The following ARHGAP18 variants were observed in gnomAD, a reference collection of about 807,000 sequenced individuals.
The protein encoded by ARHGAP18 is Rho GTPase activating protein 18, also known as rho GTPase-activating protein 18.
Under a neutral mutation model 86.2 loss-of-function variants are expected in ARHGAP18, and 67 were observed. The ratio of observed to expected loss-of-function variants is 0.78; its 90% CI spans 0.64 to 0.95. ARHGAP18 has a LOEUF of 0.95. ARHGAP18 is among the 40% of genes least tolerant of loss of function. The pLI is 0.00. For missense variants in ARHGAP18, 691 were observed against 780.4 expected, an observed-to-expected ratio of 0.89 and a Z score of 1.37; for synonymous variants, 283 against 280.4, an observed-to-expected ratio of 1.01 and a Z score of -0.09.
At chr6:129,641,136 G>A (rs570547478) in intron 2 of ARHGAP18, among the ~76,000 whole-genome samples, 25 of 152,264 alleles carry the variant, frequency 1.6e-4, no homozygotes, top group Middle Eastern at 3.4e-3. Flanking sequence ...AACATGAGCC[G>A]TTGCATCCAA....
At chr6:129,578,654 G>T in intron 14 of ARHGAP18, 50 bp from the exon 15 acceptor site, 3 of 1,446,376 alleles carry the variant, frequency 2.1e-6, no homozygotes, top group Non-Finnish European at 2.9e-6. Flanking sequence ...AGATTGGTAT[G>T]CAATTTTAAA....
chr6:129,680,917 G>C (rs530083065), intron 1 of ARHGAP18, among the ~76,000 whole-genome samples: 1 of 152,220 alleles, frequency 6.6e-6, no homozygotes, highest in Non-Finnish European at 1.5e-5. Flanking sequence ...CAGCAGTGGA[G>C]GATGGGCCAA....
intron 13 of ARHGAP18, among the ~76,000 whole-genome samples, chr6:129,582,685 C>T (rs1293906735): frequency 6.6e-6 from 1 of 152,174 alleles, no homozygotes; most frequent in African/African-American, 2.4e-5. Flanking sequence ...ACTAGTGGTT[C>T]CCAGATCTAT....
In ARHGAP18 at chr6:129,625,670, TTATATTA is replaced by T. The variant is rs1354652059; in HGVS notation, c.786+3676_786+3682del. Reference sequence around the variant, plus strand: ...TATTTATATATTATATATATTTATATTATATTATATATATTTATATATTATATATTTA... The same window carrying T: ...TATTTATATATTATATATATTTATATTATATATTTATATATTATATATTTA... On this transcript the variant is annotated intron_variant, in intron 5 of 14. Transcript: ENST00000368149. Among the ~76,000 whole-genome samples, 89 of 42,292 alleles carry T rather than the reference TTATATTA, an allele frequency of 2.1e-3. 1 individual carries two copies. The highest frequency in any genetic ancestry group is 0.031 in the Middle Eastern group (1 of 32). 27.7% of individuals were successfully genotyped at this position (42,292 alleles called of 152,430 possible).
intron 5 of ARHGAP18, among the ~76,000 whole-genome samples, chr6:129,625,927 T>C (rs1186144876): frequency 9.9e-6 from 1 of 101,460 alleles, no homozygotes; most frequent in Admixed American, 1.6e-4. Context: ...TATAGATATT[T>C]ATATATTATA....
rs1425300053 is a variant in ARHGAP18 at position 129,577,085 on chromosome 6, CAA to C, written c.*1426_*1427del. The C allele has an allele frequency of 1.5e-4, 23 of 151,624 alleles. No homozygotes were observed. Among genetic ancestry groups the C allele is most frequent in the Non-Finnish European group, 2.8e-4 (19 of 67,914 alleles). 9.4% of individuals were successfully genotyped at this position (151,624 alleles called of 1,614,324 possible). A position where few individuals can be genotyped will look rare whatever the true frequency, so the allele number is the denominator to read the frequency against. ...CACATAGGATTAAAAGTAATGATTC[CAA>C]GAGAAGATAATTTAGAAAAAGGCAT... On this transcript the variant is annotated 3_prime_UTR_variant, in exon 15 of 15. Coordinates refer to ENST00000368149, the MANE Select transcript of ARHGAP18 (RefSeq NM_033515.3).
At chr6:129,667,953 G>A (rs1774072671) in intron 1 of ARHGAP18, among the ~76,000 whole-genome samples, 1 of 152,152 alleles carries the variant, frequency 6.6e-6, no homozygotes, top group Non-Finnish European at 1.5e-5. Flanking sequence ...GGAAAGACAT[G>A]CACATCTATC....
chr6:129,616,208 C>T lies in ARHGAP18; in HGVS notation c.1044+4G>A. The T allele has an allele frequency of 6.2e-7, 1 of 1,605,834 alleles. No individual in the cohort carries two copies. The highest frequency in any genetic ancestry group is 1.1e-5 in the South Asian group (1 of 89,122). ...TCTATGCTGACCAATCCAAGCCTAC[C>T]TACTTTTTGAAAGATCAAGGGTATT... On this transcript the variant is annotated splice_donor_region_variant and intron_variant, in intron 7 of 14. Coordinates refer to ENST00000368149, the MANE Select transcript of ARHGAP18 (RefSeq NM_033515.3).
At chr6:129,701,586 A>C (rs1199051176) in intron 1 of ARHGAP18, among the ~76,000 whole-genome samples, 1 of 152,164 alleles carries the variant, frequency 6.6e-6, no homozygotes, top group Non-Finnish European at 1.5e-5. Context: ...CCTGACTAAC[A>C]TGGTGAAACC....
chr6:129,600,286 T>C (rs1226129593), intron 11 of ARHGAP18, among the ~76,000 whole-genome samples: 3 of 152,146 alleles, frequency 2.0e-5, no homozygotes, highest in South Asian at 2.1e-4. Flanking sequence ...GAAACCATTT[T>C]TGAAGATGTT....
chr6:129,659,549 C>G (rs1469702252), intron 1 of ARHGAP18, among the ~76,000 whole-genome samples: 2 of 152,116 alleles, frequency 1.3e-5, no homozygotes, highest in East Asian at 3.9e-4. Context: ...CTTACTTCAA[C>G]CTCCACCTCC....
chr6:129,611,246 CT>C (rs1357892210), intron 8 of ARHGAP18, among the ~76,000 whole-genome samples: 3 of 152,132 alleles, frequency 2.0e-5, no homozygotes, highest in Admixed American at 6.5e-5. Context: ...CTGGCTAAAT[CT>C]ATCACAACTA....
At chr6:129,593,257 C>T (rs894345424) in intron 12 of ARHGAP18, among the ~76,000 whole-genome samples, 2 of 151,888 alleles carry the variant, frequency 1.3e-5, no homozygotes, top group Non-Finnish European at 2.9e-5. Context: ...GCCAGGAGTT[C>T]GAGACCAGCC....
At chr6:129,641,206 C>A (rs1055526768) in intron 2 of ARHGAP18, among the ~76,000 whole-genome samples, 1 of 152,096 alleles carries the variant, frequency 6.6e-6, no homozygotes, top group African/African-American at 2.4e-5. Flanking sequence ...CTTTGAAAAC[C>A]ACCCACAAAA....
At chr6:129,627,732 T>A (rs974229305) in intron 5 of ARHGAP18, among the ~76,000 whole-genome samples, 1 of 152,052 alleles carries the variant, frequency 6.6e-6, no homozygotes, top group African/African-American at 2.4e-5. Flanking sequence ...TTAAAAGATG[T>A]ATTAACTAAT....
chr6:129,593,322 ATGGTGAT>A (rs1788555340), intron 12 of ARHGAP18, among the ~76,000 whole-genome samples: 1 of 152,072 alleles, frequency 6.6e-6, no homozygotes, highest in Admixed American at 6.6e-5. Context: ...TTAACCAGGC[ATGGTGAT>A]GCATGCCTGT....
chr6:129,651,990 C>T (rs1222438703), intron 1 of ARHGAP18, among the ~76,000 whole-genome samples: 9 of 152,194 alleles, frequency 5.9e-5, no homozygotes, highest in South Asian at 2.1e-4. Context: ...AGGTGCCATC[C>T]GTGAGAAAGC....
intron 5 of ARHGAP18, 151 bp from the exon 6 acceptor site, chr6:129,619,003 CCT>C: frequency 1.3e-6 from 1 of 747,814 alleles, no homozygotes; most frequent in Admixed American, 2.9e-5. Context: ...GAAGAGTGAT[CCT>C]GTCATGATGA....
chr6:129,585,584 G>A (rs1413543303), intron 12 of ARHGAP18, among the ~76,000 whole-genome samples: 1 of 152,168 alleles, frequency 6.6e-6, no homozygotes, highest in Non-Finnish European at 1.5e-5. Context: ...CAAAGGACCT[G>A]ACCATCAACC....
Sources: allele counts gnomAD v4.1 joint callset (sites outside exome capture counted in the v4.1 genomes callset), GRCh38; gene constraint gnomAD v4.1.1; transcripts MANE v1.5; gene names NCBI Gene and HGNC (gene_info 2026-07-23, HGNC 2026-07-21).